The following HRH4 variants were observed in gnomAD, a reference collection of about 807,000 sequenced individuals.
The protein encoded by HRH4 is histamine receptor H4.
Under a neutral mutation model 10.4 loss-of-function variants are expected in HRH4, and 12 were observed. That is an observed-to-expected ratio of 1.15 (90% confidence interval 0.74 to 1.87). The LOEUF (loss-of-function observed/expected upper bound fraction) is 1.87. Among genes scored for constraint, HRH4 ranks in the 40% most tolerant of loss-of-function variants. HRH4 has a pLI of 0.00. For synonymous variants in HRH4, 154 were observed against 166.6 expected, an observed-to-expected ratio of 0.92 and a Z score of 0.58; for missense variants, 415 against 453.3, an observed-to-expected ratio of 0.92 and a Z score of 0.77.
In HRH4 at chr18:24,476,844, T is replaced by G. The variant is rs966116549; in HGVS notation, c.455T>G (p.Leu152Arg). The G allele has an allele frequency of 1.2e-6, 2 of 1,614,236 alleles. No homozygotes were observed. Among genetic ancestry groups the G allele is most frequent in the African/African-American group, 1.3e-5 (1 of 75,078 alleles). ...TTCTTAGTGAATGGGCCAATGATTC[T>G]AGTTTCAGAGTCTTGGAAGGATGAA... The part of the protein sequence containing the change: ...LAFLVNGPMI[L>R]VSESWKDEGS... The change falls in exon 3 of 3, where the codon CTA (leucine) becomes CGA (arginine). Residue 152 changes from leucine to arginine, a missense_variant. Leu to Arg is a moderately radical substitution (Grantham distance 102). Transcript: ENST00000256906.
intron 2 of HRH4, among the ~76,000 whole-genome samples, chr18:24,475,531 A>G (rs1009156794): frequency 2.0e-5 from 3 of 152,176 alleles, no homozygotes; most frequent in Non-Finnish European, 4.4e-5. Flanking sequence ...AGGCTGAAGC[A>G]GGAGGATCAC....
intron 2 of HRH4, among the ~76,000 whole-genome samples, chr18:24,470,031 A>G (rs1261298056): frequency 6.6e-6 from 1 of 152,180 alleles, no homozygotes; most frequent in Admixed American, 6.5e-5. Flanking sequence ...TCGGTTCAGT[A>G]CAATGGACTA....
chr18:24,471,676 T>G (rs753867562), intron 2 of HRH4, among the ~76,000 whole-genome samples: 5 of 150,208 alleles, frequency 3.3e-5, no homozygotes, highest in Non-Finnish European at 5.9e-5. Flanking sequence ...ACCTTCAGAT[T>G]ATCTTGTACA....
Position 24,478,705 on chromosome 18 carries a change from C to T in HRH4, c.*1143C>T, listed in dbSNP as rs1910217661. On this transcript the variant is annotated 3_prime_UTR_variant, in exon 3 of 3. Coordinates refer to ENST00000256906, the MANE Select transcript of HRH4 (RefSeq NM_021624.4). ...TTTTTTTGTTTAAGACAGCATCTTG[C>T]TCTGTCTCCCAGGCTGGAGCGTAGT... 1 of 152,188 alleles carries T rather than the reference C, an allele frequency of 6.6e-6. No homozygotes were observed. The highest frequency in any genetic ancestry group is 1.5e-5 in the Non-Finnish European group (1 of 68,038). The allele number at this position is 152,188 out of a possible 1,614,324, so 9.4% of individuals were successfully genotyped here. A position where few individuals can be genotyped will look rare whatever the true frequency, so the allele number is the denominator to read the frequency against.
intron 1 of HRH4, among the ~76,000 whole-genome samples, chr18:24,466,713 T>G (rs181567605): frequency 1.3e-5 from 2 of 152,320 alleles, no homozygotes; most frequent in Admixed American, 6.5e-5. Flanking sequence ...CCTTTTCCTT[T>G]AACTTTACTA....
chr18:24,470,639 G>T (rs1053920822), intron 2 of HRH4, among the ~76,000 whole-genome samples: 2 of 151,364 alleles, frequency 1.3e-5, no homozygotes, highest in African/African-American at 4.9e-5. Context: ...GAGTAGCTGG[G>T]ATTACAGGCG....
At chr18:24,471,475 C>T (rs1218370441) in intron 2 of HRH4, among the ~76,000 whole-genome samples, 5 of 151,650 alleles carry the variant, frequency 3.3e-5, no homozygotes, top group South Asian at 2.1e-4. Context: ...GGCATGGTGG[C>T]GCTTGCCTGT....
chr18:24,464,735 T>A (rs192877829), intron 1 of HRH4, among the ~76,000 whole-genome samples: 1 of 152,144 alleles, frequency 6.6e-6, no homozygotes, highest in South Asian at 2.1e-4. Flanking sequence ...TTATTTCTTT[T>A]GAAGGAGGCA....
chr18:24,471,526 G>C (rs1909952401), intron 2 of HRH4, among the ~76,000 whole-genome samples: 1 of 138,912 alleles, frequency 7.2e-6, no homozygotes, highest in Admixed American at 8.0e-5. Context: ...AGAATTGCTT[G>C]AACCCGGGAG....
At chr18:24,462,340 CAGG>C (rs1265516404) in intron 1 of HRH4, among the ~76,000 whole-genome samples, 1 of 152,086 alleles carries the variant, frequency 6.6e-6, no homozygotes, top group Non-Finnish European at 1.5e-5. Context: ...GATTTTAAAA[CAGG>C]AGAGTGGTTG....
Position 24,473,977 on chromosome 18 carries a change from C to CA in HRH4, c.358-2770_358-2769insA, listed in dbSNP as rs1555669813. Among the ~76,000 whole-genome samples, 1,019 of 152,224 alleles carry CA rather than the reference C, an allele frequency of 6.7e-3. 12 individuals are homozygous for CA. Among genetic ancestry groups the CA allele is most frequent in the African/African-American group, 0.023 (945 of 41,538 alleles). On this transcript the variant is annotated intron_variant, in intron 2 of 2. Transcript: ENST00000256906. ...GACACCACTCCACGCAGCCTGGTTC[C>CA]GATTCAAGCAATGCTTGAGCTGTCT...
intron 1 of HRH4, among the ~76,000 whole-genome samples, chr18:24,462,908 TA>T (rs1314670204): frequency 6.6e-6 from 1 of 152,222 alleles, no homozygotes; most frequent in East Asian, 1.9e-4. Context: ...AAAGTTCCAC[TA>T]TAAATATATG....
chr18:24,469,071 C>T (rs920772141), intron 2 of HRH4, 120 bp downstream of exon 2: 1 of 710,110 alleles, frequency 1.4e-6, no homozygotes, highest in Non-Finnish European at 2.2e-6. Flanking sequence ...TAGAGGAACC[C>T]TATCCTTTTG....
At chr18:24,473,386 C>A (rs1208109559) in intron 2 of HRH4, among the ~76,000 whole-genome samples, 1 of 152,162 alleles carries the variant, frequency 6.6e-6, no homozygotes, top group Non-Finnish European at 1.5e-5. Context: ...GGAGACTAGA[C>A]ATTTGAAATC....
chr18:24,473,351 C>G (rs879683358), intron 2 of HRH4, among the ~76,000 whole-genome samples: 3 of 152,142 alleles, frequency 2.0e-5, no homozygotes, highest in Admixed American at 6.5e-5. Flanking sequence ...CTGAAAACAA[C>G]AGGAATTTAT....
In HRH4 at chr18:24,468,788, G is replaced by A. The variant is rs760192203; in HGVS notation, c.194G>A (p.Gly65Asp). The change falls in exon 2 of 3, where the codon GGT becomes GAT. Residue 65 changes from glycine to aspartate, a missense_variant and splice_region_variant. Gly to Asp is a moderately conservative substitution (Grantham distance 94). Coordinates refer to ENST00000256906, the MANE Select transcript of HRH4 (RefSeq NM_021624.4). ...TTACACTTATGTTTTCCCTGTGCAG[G>A]TGTGATCTCCATTCCTTTGTACATC... Reference protein sequence around the residue: ...LNLAISDFFVGVISIPLYIPH... With the variant: ...LNLAISDFFVDVISIPLYIPH... 12 of 1,611,368 alleles carry A rather than the reference G, an allele frequency of 7.4e-6. No homozygotes were observed. In the East Asian group the frequency reaches 2.5e-4, roughly 33 times the overall value.
At position 24,469,103 on chromosome 18, in the gene HRH4, C is replaced by T. The variant is rs552576966; in HGVS notation, c.357+152C>T. ...TTTGTTGTCTGGCATAAAGTTCTTG[C>T]TGGTTGTTAGTTTGTGTGACTTGGA... On this transcript the variant is annotated intron_variant, in intron 2 of 2. Coordinates refer to ENST00000256906, the MANE Select transcript of HRH4 (RefSeq NM_021624.4). 37 of 603,642 alleles carry T rather than the reference C, an allele frequency of 6.1e-5. 1 individual carries two copies. Among genetic ancestry groups the T allele is most frequent in the South Asian group, 3.6e-4 (15 of 41,744 alleles). The allele number at this position is 603,642 out of a possible 1,614,324, so 37.4% of individuals were successfully genotyped here.
chr18:24,475,039 A>G (rs906101766), intron 2 of HRH4, among the ~76,000 whole-genome samples: 1 of 152,146 alleles, frequency 6.6e-6, no homozygotes, highest in Non-Finnish European at 1.5e-5. Flanking sequence ...AGGTCACCTT[A>G]AAGAGTTCCT....
At chr18:24,476,329 T>C (rs1285643200) in intron 2 of HRH4, among the ~76,000 whole-genome samples, 1 of 152,230 alleles carries the variant, frequency 6.6e-6, no homozygotes, top group African/African-American at 2.4e-5. Flanking sequence ...CCTCACTATA[T>C]GTGATGCATT....
Sources: allele counts gnomAD v4.1 joint callset (sites outside exome capture counted in the v4.1 genomes callset), GRCh38; gene constraint gnomAD v4.1.1; transcripts MANE v1.5; gene names NCBI Gene and HGNC (gene_info 2026-07-23, HGNC 2026-07-21).